Variants in FBXW11 observed in about 807,000 individuals in gnomAD.
FBXW11 encodes F-box and WD repeat domain containing 11, also known as F-box/WD repeat-containing protein 11.
A neutral mutation model predicts 77.6 loss-of-function variants in FBXW11; 19 were observed. The observed-to-expected ratio is 0.24, with a 90% CI of 0.17 to 0.36. FBXW11 has a LOEUF of 0.36. Among genes scored for constraint, FBXW11 ranks in the 10% least tolerant of loss-of-function variants. FBXW11 has a pLI of 1.00. For synonymous variants in FBXW11, 235 were observed against 249.4 expected, an observed-to-expected ratio of 0.94 and a Z score of 0.54; for missense variants, 334 against 704.2, an observed-to-expected ratio of 0.47 and a Z score of 5.95.
Position 172,006,574 on chromosome 5 carries a change from G to C in FBXW11, c.-72C>G. On this transcript the variant is annotated 5_prime_UTR_variant, in exon 1 of 14. Coordinates refer to ENST00000517395, the MANE Select transcript of FBXW11 (RefSeq NM_001378974.1). ...GGCCCGGGCGGAGGAGGCGACGGCG[G>C]AGGCGGCAGAGGCGGAGGCGGCTAT... 1 of 1,420,304 alleles carries C rather than the reference G, an allele frequency of 7.0e-7. No individual in the cohort carries two copies. Among genetic ancestry groups the C allele is most frequent in the East Asian group, 3.0e-5 (1 of 33,114 alleles). 88.0% of individuals were successfully genotyped at this position (1,420,304 alleles called of 1,614,324 possible). A position where few individuals can be genotyped will look rare whatever the true frequency, so the allele number is the denominator to read the frequency against.
At chr5:171,977,721 A>G (rs1764916262) in intron 1 of FBXW11, 1 of 396,028 alleles carries the variant, frequency 2.5e-6, no homozygotes, top group Admixed American at 3.0e-5. Flanking sequence ...GCAGCAAGCA[A>G]AGAGAGAGAA....
chr5:171,901,074 C>T (rs1302314491), intron 4 of FBXW11, among the ~76,000 whole-genome samples: 1 of 152,230 alleles, frequency 6.6e-6, no homozygotes, highest in Non-Finnish European at 1.5e-5. Flanking sequence ...AGGTTCACCA[C>T]TTACTAGTTC....
intron 2 of FBXW11, among the ~76,000 whole-genome samples, chr5:171,916,883 T>C (rs1480082308): frequency 6.6e-6 from 1 of 152,120 alleles, no homozygotes; most frequent in Non-Finnish European, 1.5e-5. Context: ...GATGTATATA[T>C]GGTTTTGTTT....
chr5:171,964,749 GT>G (rs1303490644), intron 1 of FBXW11, among the ~76,000 whole-genome samples: 2 of 152,178 alleles, frequency 1.3e-5, no homozygotes, highest in African/African-American at 4.8e-5. Flanking sequence ...CAATCAGGTT[GT>G]TAAATAAAAG....
intron 2 of FBXW11, among the ~76,000 whole-genome samples, chr5:171,916,108 G>GGGGA (rs1554100135): frequency 6.6e-6 from 1 of 151,536 alleles, no homozygotes; most frequent in Non-Finnish European, 1.5e-5. Context: ...GGGGAGGTGG[G>GGGGA]GGGATAGCAT....
chr5:172,003,599 A>G (rs886792226), intron 1 of FBXW11, among the ~76,000 whole-genome samples: 2 of 152,184 alleles, frequency 1.3e-5, no homozygotes, highest in African/African-American at 4.8e-5. Flanking sequence ...TTCAGGGTCT[A>G]AATTAAGAGC....
chr5:171,961,026 A>G (rs1763881686), intron 1 of FBXW11, among the ~76,000 whole-genome samples: 1 of 152,250 alleles, frequency 6.6e-6, no homozygotes, highest in African/African-American at 2.4e-5. Context: ...ACATCATGCT[A>G]AATACTTTAT....
chr5:171,992,715 T>C (rs967882449), intron 1 of FBXW11, among the ~76,000 whole-genome samples: 1 of 152,074 alleles, frequency 6.6e-6, no homozygotes, highest in Non-Finnish European at 1.5e-5. Flanking sequence ...TACTAAAGTC[T>C]AGTCAGCTAC....
chr5:171,945,509 A>T (rs1338396956), intron 2 of FBXW11, among the ~76,000 whole-genome samples: 1 of 152,214 alleles, frequency 6.6e-6, no homozygotes, highest in African/African-American at 2.4e-5. Flanking sequence ...AATAGTGCCT[A>T]GCTTATAAAG....
chr5:171,895,203 A>G (rs1373432822), intron 6 of FBXW11, among the ~76,000 whole-genome samples: 2 of 152,298 alleles, frequency 1.3e-5, no homozygotes, highest in African/African-American at 4.8e-5. Context: ...GGAATATTTC[A>G]TGTTTTTGAG....
chr5:171,974,378 G>A lies in FBXW11; in HGVS notation c.46-16680C>T, dbSNP rs532631051. ...GAACCCAGGAGGCGGAGGTTATGGT[G>A]AGCCGAGATCACACCATCGCACTCC... On this transcript the variant is annotated intron_variant, in intron 1 of 13. Transcript: ENST00000517395. Among the ~76,000 whole-genome samples, 8 of 147,718 alleles carry A rather than the reference G, an allele frequency of 5.4e-5. No individual in the cohort carries two copies. In the East Asian group the frequency reaches 6.0e-4, roughly 11 times the overall value.
Position 171,891,488 on chromosome 5 carries a change from G to T in FBXW11, c.831C>A (p.Gly277=), listed in dbSNP as rs752102246. ...LQYDDEKIIS[G]LRDNSIKIWD... Reference sequence around the variant, plus strand: ...TCACCTTAATAGAATTATCTCGTAGGCCACTGATAATTTTTTCATCATCGT... The same window carrying T: ...TCACCTTAATAGAATTATCTCGTAGTCCACTGATAATTTTTTCATCATCGT... The change falls in exon 7 of 14, where the codon GGC becomes GGA. Residue 277 remains glycine, a synonymous_variant. Coordinates refer to ENST00000517395, the MANE Select transcript of FBXW11 (RefSeq NM_001378974.1). 6.3e-7 allele frequency: 1 copy of T among 1,594,166 alleles called. No homozygotes were observed. The highest frequency in any genetic ancestry group is 1.1e-5 in the South Asian group (1 of 87,108).
chr5:172,001,531 T>G lies in FBXW11; in HGVS notation c.45+4927A>C, dbSNP rs562571204. Among the ~76,000 whole-genome samples, 9 of 152,222 alleles carry G rather than the reference T, an allele frequency of 5.9e-5. No individual in the cohort carries two copies. The South Asian group carries it at 1.9e-3, about 32-fold the overall frequency. ...GTGTGTCACTGGAAGATAATTAAGGTCCCAGCCCTTCCCATGAGGAGTTTA... is the reference window on the plus strand; with the variant it reads ...GTGTGTCACTGGAAGATAATTAAGGGCCCAGCCCTTCCCATGAGGAGTTTA... On this transcript the variant is annotated intron_variant, in intron 1 of 13. Transcript: ENST00000517395.
intron 4 of FBXW11, among the ~76,000 whole-genome samples, chr5:171,900,989 GCTT>G (rs1760079916): frequency 6.6e-6 from 1 of 152,128 alleles, no homozygotes; most frequent in Admixed American, 6.5e-5. Flanking sequence ...AAGAAATAAA[GCTT>G]CTCCCCAAGC....
At position 171,891,515 on chromosome 5, in the gene FBXW11, C is replaced by T. The variant is rs755800175; in HGVS notation, c.804G>A (p.Gln268=). The T allele has an allele frequency of 4.3e-6, 7 of 1,609,824 alleles. No homozygotes were observed. Among genetic ancestry groups the T allele is most frequent in the Non-Finnish European group, 5.9e-6 (7 of 1,178,438 alleles). ...CACTGATAATTTTTTCATCATCGTA[C>T]TGTAAACAGTAGACACCTTTACTAT... ...SENSKGVYCL[Q]YDDEKIISGL... is the part of the protein sequence containing the mutation. Residue 268 remains glutamine (Q), a synonymous_variant, in exon 7 of 14, where the codon CAG becomes CAA. Coordinates refer to ENST00000517395, the MANE Select transcript of FBXW11 (RefSeq NM_001378974.1).
At chr5:171,964,033 T>C (rs1343129182) in intron 1 of FBXW11, among the ~76,000 whole-genome samples, 1 of 152,218 alleles carries the variant, frequency 6.6e-6, no homozygotes, top group African/African-American at 2.4e-5. Context: ...TAAACTGTTT[T>C]AAGCAAAGGA....
At chr5:171,930,762 TAAA>T (rs59700625) in intron 2 of FBXW11, among the ~76,000 whole-genome samples, 3 of 126,536 alleles carry the variant, frequency 2.4e-5, no homozygotes, top group African/African-American at 8.8e-5. Context: ...AATAAAAAAA[TAAA>T]AAAAAAAAAA....
At chr5:171,937,837 C>CAAAAAAAAAAAAAAAAAAA in intron 2 of FBXW11, among the ~76,000 whole-genome samples, 1 of 57,786 alleles carries the variant, frequency 1.7e-5, no homozygotes, top group Non-Finnish European at 4.2e-5. Context: ...CAAAAAAAAG[C>CAAAAAAAAAAAAAAAAAAA]AAAAAAAAAA....
chr5:171,952,447 ATTTTT>A (rs1164383563), intron 2 of FBXW11, among the ~76,000 whole-genome samples: 3 of 6,946 alleles, frequency 4.3e-4, no homozygotes, highest in Admixed American at 2.9e-3. Flanking sequence ...ATATATATAT[ATTTTT>A]TTTTTTTTTT....
Sources: gnomAD v4.1 joint callset for allele counts (sites outside exome capture counted in the v4.1 genomes callset) on GRCh38, gnomAD v4.1.1 for gene constraint, MANE v1.5 for transcripts, NCBI Gene and HGNC (gene_info 2026-07-23, HGNC 2026-07-21) for gene names.